The following RFC1 variants were observed in gnomAD, a reference collection of about 807,000 sequenced individuals.
RFC1 encodes replication factor C subunit 1, also known as A1 140 kDa subunit.
RFC1 carries 37 observed loss-of-function variants against 137.4 expected under a neutral mutation model. That is an observed-to-expected ratio of 0.27 (90% CI 0.21 to 0.35). The LOEUF (loss-of-function observed/expected upper bound fraction) is 0.35. RFC1 is among the 10% of genes least tolerant of loss of function. The pLI, the probability that RFC1 is intolerant of heterozygous loss-of-function variation, is 1.00. For missense variants in RFC1, 1,205 were observed against 1,358.5 expected (o/e 0.89, Z 1.78); for synonymous variants, 429 against 455.7 (o/e 0.94, Z 0.75).
rs1337654116 is a variant in RFC1 at position 39,366,361 on chromosome 4, A to G, written c.-120T>C. ...TCCCGCGAAGTGCAAGAAGGCGAAG[A>G]CAGTGGCGCGCGGTGATGACGTCAG... On this transcript the variant is annotated 5_prime_UTR_variant, in exon 1 of 25. Transcript: ENST00000349703. The G allele has an allele frequency of 3.2e-6, 4 of 1,234,870 alleles. No homozygotes were observed. The highest frequency in any genetic ancestry group is 3.1e-5 in the African/African-American group (2 of 63,654). 76.5% of individuals were successfully genotyped at this position (1,234,870 alleles called of 1,614,324 possible). A position where few individuals can be genotyped will look rare whatever the true frequency, so the allele number is the denominator to read the frequency against.
At chr4:39,353,397 C>CAAAAAAAAAAAAAAAAAAAAAAAAA (rs11416030) in intron 1 of RFC1, among the ~76,000 whole-genome samples, 1 of 63,518 alleles carries the variant, frequency 1.6e-5, no homozygotes, top group Non-Finnish European at 2.8e-5. Flanking sequence ...GAGACTGTCT[C>CAAAAAAAAAAAAAAAAAAAAAAAAA]AAAAAAAAAA....
chr4:39,355,136 C>CACACA (rs1383123973), intron 1 of RFC1, among the ~76,000 whole-genome samples: 4 of 131,420 alleles, frequency 3.0e-5, no homozygotes, highest in Non-Finnish European at 6.4e-5. Flanking sequence ...CACACACACA[C>CACACA]AACAGGCCAG....
intron 1 of RFC1, among the ~76,000 whole-genome samples, chr4:39,363,990 G>A (rs1467049492): frequency 6.7e-6 from 1 of 148,854 alleles, no homozygotes; most frequent in Non-Finnish European, 1.5e-5. Context: ...CAGGGTGGAA[G>A]GATCGCTTGT....
intron 2 of RFC1, 96 bp from the exon 3 acceptor site, chr4:39,345,572 G>A: frequency 1.0e-6 from 1 of 955,114 alleles, no homozygotes; most frequent in Non-Finnish European, 1.6e-6. Context: ...CCAGGCTGGA[G>A]CGCAGTGGCA....
chr4:39,315,468 C>T (rs548272936), intron 10 of RFC1, among the ~76,000 whole-genome samples: 5 of 152,328 alleles, frequency 3.3e-5, no homozygotes, highest in African/African-American at 9.6e-5. Context: ...GCTATTAATC[C>T]CTTCATGCCA....
At chr4:39,323,838 A>C (rs965197251) in intron 6 of RFC1, among the ~76,000 whole-genome samples, 1 of 152,236 alleles carries the variant, frequency 6.6e-6, no homozygotes, top group African/African-American at 2.4e-5. Context: ...AGAATTTAAA[A>C]AAATTATACA....
rs759997663 is a variant in RFC1, at chr4:39,345,352, GAT to G, written c.208+47_208+48del. ...CATAGTTTAAAGCACTGTTCTAAGG[GAT>G]ATACAATAACTTTAAAATTTTAAAG... On this transcript the variant is annotated intron_variant, in intron 3 of 24. Coordinates refer to ENST00000349703, the MANE Select transcript of RFC1 (RefSeq NM_002913.5). The G allele has an allele frequency of 3.4e-6, 5 of 1,470,602 alleles. No individual in the cohort carries two copies. The South Asian group carries it at 5.7e-5, about 17-fold the overall frequency. 91.1% of individuals were successfully genotyped at this position (1,470,602 alleles called of 1,614,324 possible). A position where few individuals can be genotyped will look rare whatever the true frequency, so the allele number is the denominator to read the frequency against.
intron 3 of RFC1, among the ~76,000 whole-genome samples, chr4:39,345,159 C>T (rs763635567): frequency 2.6e-5 from 4 of 151,984 alleles, no homozygotes; most frequent in Non-Finnish European, 5.9e-5. Flanking sequence ...GGATTGCAGG[C>T]GCGTGCCACC....
chr4:39,339,392 C>T (rs1258651879), intron 4 of RFC1, among the ~76,000 whole-genome samples: 1 of 152,130 alleles, frequency 6.6e-6, no homozygotes, highest in Non-Finnish European at 1.5e-5. Context: ...TTCTGCACAC[C>T]CTGAATAACG....
chr4:39,299,610 CA>C (rs970461214), intron 21 of RFC1, among the ~76,000 whole-genome samples: 247 of 40,486 alleles, frequency 6.1e-3, no homozygotes, highest in African/African-American at 0.012. Flanking sequence ...AACACTGTCT[CA>C]AAAAAAAAAA....
intron 4 of RFC1, among the ~76,000 whole-genome samples, chr4:39,336,607 T>C (rs1740365406): frequency 6.6e-6 from 1 of 152,276 alleles, no homozygotes; most frequent in Non-Finnish European, 1.5e-5. Flanking sequence ...TAACTCTCTG[T>C]CCTGTGCATT....
At chr4:39,363,906 GAA>G (rs1488645837) in intron 1 of RFC1, among the ~76,000 whole-genome samples, 5 of 130,484 alleles carry the variant, frequency 3.8e-5, no homozygotes, top group Non-Finnish European at 8.2e-5. Context: ...AAAAAAAGAA[GAA>G]GAAGAAGAAG....
rs1210116330 is a variant in RFC1, at chr4:39,306,842, A to T, written c.1886-141T>A. 4.9e-6 allele frequency: 3 copies of T among 617,104 alleles called. No individual in the cohort carries two copies. The African/African-American group carries it at 5.5e-5, about 11-fold the overall frequency. 38.2% of individuals were successfully genotyped at this position (617,104 alleles called of 1,614,324 possible). ...CTAAATTTGCAGACTATTTTCTACA[A>T]AGCATAAACAAGTTTCCAGAGCATT... On this transcript the variant is annotated intron_variant, in intron 13 of 24. Coordinates refer to ENST00000349703, the MANE Select transcript of RFC1 (RefSeq NM_002913.5).
chr4:39,359,940 C>T (rs1402531159), intron 1 of RFC1, among the ~76,000 whole-genome samples: 1 of 151,898 alleles, frequency 6.6e-6, no homozygotes, highest in African/African-American at 2.4e-5. Flanking sequence ...GTGATGGGTG[C>T]ACCAAAATCT....
chr4:39,353,252 T>C (rs577501317), intron 1 of RFC1, among the ~76,000 whole-genome samples: 1 of 151,788 alleles, frequency 6.6e-6, no homozygotes, highest in African/African-American at 2.4e-5. Flanking sequence ...AATATGAAAA[T>C]TAGCCAGGCA....
chr4:39,315,606 C>T (rs1351800624), intron 10 of RFC1, among the ~76,000 whole-genome samples: 1 of 152,192 alleles, frequency 6.6e-6, no homozygotes, highest in African/African-American at 2.4e-5. Flanking sequence ...TGGCCAACAA[C>T]GAACTCATTA....
At chr4:39,331,076 A>G (rs1740080186) in intron 4 of RFC1, among the ~76,000 whole-genome samples, 1 of 152,192 alleles carries the variant, frequency 6.6e-6, no homozygotes, top group Admixed American at 6.5e-5. Context: ...ACCATTGAGA[A>G]TATAATCTCA....
intron 1 of RFC1, among the ~76,000 whole-genome samples, chr4:39,363,397 T>C (rs1000726701): frequency 6.6e-6 from 1 of 152,254 alleles, no homozygotes; most frequent in African/African-American, 2.4e-5. Flanking sequence ...GTTCCTTCTG[T>C]ATCTTTCCAG....
intron 21 of RFC1, among the ~76,000 whole-genome samples, chr4:39,296,250 C>CTT (rs10717106): frequency 7.5e-4 from 99 of 132,766 alleles, no homozygotes; most frequent in African/African-American, 2.7e-3. Context: ...TTTTTTTTTT[C>CTT]TTTTTTTTTT....
Sources: allele counts gnomAD v4.1 joint callset (sites outside exome capture counted in the v4.1 genomes callset), GRCh38; gene constraint gnomAD v4.1.1; transcripts MANE v1.5; gene names NCBI Gene and HGNC (gene_info 2026-07-23, HGNC 2026-07-21).